Variants in OR3A2 observed in about 807,000 individuals in gnomAD.
OR3A2 encodes the protein olfactory receptor family 3 subfamily A member 2.
For missense variants in OR3A2, 318 were observed against 392.8 expected, an observed-to-expected ratio of 0.81 and a Z score of 1.61; for synonymous variants, 126 against 159.3, an observed-to-expected ratio of 0.79 and a Z score of 1.57.
intron 3 of OR3A2, among the ~76,000 whole-genome samples, chr17:3,296,820 C>CA (rs1459340026): frequency 6.6e-6 from 1 of 152,144 alleles, no homozygotes; most frequent in Admixed American, 6.5e-5. Context: ...ATTACACTAC[C>CA]ACCAACATTC....
At chr17:3,379,821 C>T (rs988849071) in intron 2 of OR3A2, among the ~76,000 whole-genome samples, 27 of 152,184 alleles carry the variant, frequency 1.8e-4, no homozygotes, top group Non-Finnish European at 8.8e-5. Flanking sequence ...ACAGCATCAT[C>T]CTCTGAGCAC....
intron 2 of OR3A2, among the ~76,000 whole-genome samples, chr17:3,342,977 C>G (rs2049332496): frequency 6.6e-6 from 1 of 152,242 alleles, no homozygotes. Flanking sequence ...CGCCCCTCCT[C>G]CAGCCAGGCT....
At chr17:3,330,313 G>A (rs1371618243) in intron 3 of OR3A2, among the ~76,000 whole-genome samples, 4 of 150,164 alleles carry the variant, frequency 2.7e-5, no homozygotes, top group East Asian at 2.0e-4. Flanking sequence ...ACAATGGGGT[G>A]TTAAAGTCTC....
chr17:3,328,749 TGA>T (rs1487364002), intron 3 of OR3A2, among the ~76,000 whole-genome samples: 10,542 of 129,518 alleles, frequency 0.081, 730 homozygotes, highest in African/African-American at 0.16. Flanking sequence ...CCTAATTTAT[TGA>T]GAGTTTTTAG....
intron 3 of OR3A2, among the ~76,000 whole-genome samples, chr17:3,335,695 C>G (rs329629): frequency 6.6e-6 from 1 of 151,986 alleles, no homozygotes; most frequent in South Asian, 2.1e-4. Context: ...TTTAACTCTT[C>G]GAACAAAAGT....
intron 2 of OR3A2, among the ~76,000 whole-genome samples, chr17:3,346,802 C>T (rs2049367554): frequency 6.6e-6 from 1 of 152,156 alleles, no homozygotes; most frequent in African/African-American, 2.4e-5. Context: ...GTTTGACTTC[C>T]TGTGCCTGGC....
chr17:3,339,219 A>C (rs981265050), intron 2 of OR3A2, among the ~76,000 whole-genome samples: 1 of 152,232 alleles, frequency 6.6e-6, no homozygotes, highest in African/African-American at 2.4e-5. Context: ...GCAAACAGGA[A>C]GACTTTTACT....
chr17:3,370,093 G>A (rs759992551), intron 2 of OR3A2, among the ~76,000 whole-genome samples: 6 of 152,146 alleles, frequency 3.9e-5, no homozygotes, highest in Non-Finnish European at 8.8e-5. Flanking sequence ...GTGAGCCACA[G>A]TGCCCAGCCC....
upstream of OR3A2, among the ~76,000 whole-genome samples, chr17:3,284,764 TC>T (rs1255650154): frequency 7.0e-6 from 1 of 143,126 alleles, no homozygotes; most frequent in East Asian, 1.9e-4. Flanking sequence ...CTTGCCTATG[TC>T]CTCAAAGTCC....
intron 2 of OR3A2, among the ~76,000 whole-genome samples, chr17:3,343,692 G>A (rs951099418): frequency 2.6e-5 from 4 of 152,146 alleles, no homozygotes; most frequent in Non-Finnish European, 5.9e-5. Flanking sequence ...AGTACACCCA[G>A]GAGTTGTCAG....
upstream of OR3A2, among the ~76,000 whole-genome samples, chr17:3,286,465 G>A (rs1276224116): frequency 6.6e-6 from 1 of 152,092 alleles, no homozygotes; most frequent in Non-Finnish European, 1.5e-5. Context: ...GGTATTTCTA[G>A]TTCTAGATCC....
At position 3,311,491 on chromosome 17, in the gene OR3A2, C is replaced by A; in HGVS notation, c.-85+24542G>T. 2.3e-6 allele frequency: 1 copy of A among 437,634 alleles called. No homozygotes were observed. The highest frequency in any genetic ancestry group is 4.7e-6 in the Non-Finnish European group (1 of 215,030). The allele number at this position is 437,634 out of a possible 1,614,324, so 27.1% of individuals were successfully genotyped here. A position where few individuals can be genotyped will look rare whatever the true frequency, so the allele number is the denominator to read the frequency against. Reference sequence around the variant, plus strand: ...GACTCACACAGTGGCTGTGTCTGCGCTTGACTTCTGTGGCCCTAATGTGGT... The same window carrying A: ...GACTCACACAGTGGCTGTGTCTGCGATTGACTTCTGTGGCCCTAATGTGGT... On this transcript the variant is annotated intron_variant, in intron 3 of 4. Transcript: ENST00000573491. The surrounding 1 kb of genome is among the most constrained non-coding windows in gnomAD (Gnocchi z 4.6).
intron 2 of OR3A2, among the ~76,000 whole-genome samples, chr17:3,375,137 T>A (rs1465855981): frequency 7.7e-6 from 1 of 129,640 alleles, no homozygotes; most frequent in Non-Finnish European, 1.6e-5. Flanking sequence ...AGAGCCTTCT[T>A]CCTTTTTTTT....
upstream of OR3A2, among the ~76,000 whole-genome samples, chr17:3,288,238 C>A (rs1597319119): frequency 4.8e-4 from 12 of 25,152 alleles, no homozygotes; most frequent in East Asian, 2.5e-3. Flanking sequence ...AAACTATCAC[C>A]AAAAGGGCAA....
At chr17:3,292,553 T>A (rs2048885810) in intron 3 of OR3A2, 1 of 1,611,486 alleles carries the variant, frequency 6.2e-7, no homozygotes, top group African/African-American at 1.3e-5. Context: ...CAGCAATGAC[T>A]GTTCCATTGG....
At chr17:3,364,196 T>C (rs1457997422) in intron 2 of OR3A2, among the ~76,000 whole-genome samples, 1 of 152,176 alleles carries the variant, frequency 6.6e-6, no homozygotes, top group South Asian at 2.1e-4. Context: ...TAGCCTAACA[T>C]GTATATTTTA....
At position 3,292,108 on chromosome 17, in the gene OR3A2, C is replaced by A. The variant is rs768101149; in HGVS notation, c.-84-12955G>T. 1 of 1,614,008 alleles carries A rather than the reference C, an allele frequency of 6.2e-7. No homozygotes were observed. Among genetic ancestry groups the A allele is most frequent in the Non-Finnish European group, 8.5e-7 (1 of 1,180,034 alleles). On this transcript the variant is annotated intron_variant, in intron 3 of 4. Transcript: ENST00000573491. ...GACATGGCCACAGTGTGGGTCAGTGCGTTGGTGAAAGCACAAGCCCAGGAC... is the reference window on the plus strand; with the variant it reads ...GACATGGCCACAGTGTGGGTCAGTGAGTTGGTGAAAGCACAAGCCCAGGAC...
At chr17:3,326,788 G>A (rs1395734810) in intron 3 of OR3A2, among the ~76,000 whole-genome samples, 2 of 140,244 alleles carry the variant, frequency 1.4e-5, no homozygotes, top group South Asian at 2.4e-4. Context: ...CCACCTATGA[G>A]TGAGAATATG....
At chr17:3,331,064 G>T (rs1028117782) in intron 3 of OR3A2, among the ~76,000 whole-genome samples, 10 of 152,128 alleles carry the variant, frequency 6.6e-5, no homozygotes, top group African/African-American at 2.4e-4. Context: ...GGCTTGTAGG[G>T]TTTCTGCCGA....
Sources: gnomAD v4.1 joint callset for allele counts (sites outside exome capture counted in the v4.1 genomes callset) on GRCh38, gnomAD v4.1.1 for gene constraint, Gnocchi (gnomAD v3.1) non-coding constraint, MANE v1.5 for transcripts, NCBI Gene and HGNC (gene_info 2026-07-23, HGNC 2026-07-21) for gene names.